Variants in PROCA1 observed in about 807,000 individuals in gnomAD.
PROCA1 encodes the protein protein interacting with cyclin A1, also known as protein PROCA1.
Under a neutral mutation model 23.2 loss-of-function variants are expected in PROCA1, and 22 were observed. The ratio of observed to expected loss-of-function variants is 0.95; its 90% confidence interval spans 0.68 to 1.35. PROCA1 has a LOEUF of 1.35. PROCA1 is among the 40% of genes most tolerant of loss of function. The pLI is 0.00. For missense variants in PROCA1, 469 were observed against 459.8 expected (o/e 1.02, Z -0.18); for synonymous variants, 182 against 179.2 (o/e 1.02, Z -0.12).
At chr17:28,706,222 C>T (rs1306486322) in intron 2 of PROCA1, 2 of 162,332 alleles carry the variant, frequency 1.2e-5, no homozygotes, top group African/African-American at 4.8e-5. Flanking sequence ...GAAACTTCAC[C>T]ACCACCTTGG....
intron 1 of PROCA1, chr17:28,707,034 A>G: frequency 3.0e-6 from 1 of 336,742 alleles, no homozygotes; most frequent in Non-Finnish European, 6.0e-6. Flanking sequence ...AGCACAGGAC[A>G]AGGGCCACCT....
Position 28,704,435 on chromosome 17 carries a change from C to T in PROCA1, c.312G>A (p.Arg104=), listed in dbSNP as rs780385812. The change falls in exon 4 of 5, where the codon AGG becomes AGA. Residue 104 remains arginine, a splice_region_variant and synonymous_variant. Coordinates refer to ENST00000682792, the MANE Select transcript of PROCA1 (RefSeq NM_001366301.1). The stretch of plus-strand genomic sequence containing the variant: ...TGCTATCCTCTGAAGAGTCCTTCAG[C>T]CTGCCACACATGGGACTCTCAGCCT... The part of the protein sequence containing the change: ...HSVNHCNCNS[R]LKDSSEDSSS... The T allele has an allele frequency of 1.2e-6, 2 of 1,610,684 alleles. No homozygotes were observed. Among genetic ancestry groups the T allele is most frequent in the Non-Finnish European group, 1.7e-6 (2 of 1,178,538 alleles).
intron 1 of PROCA1, chr17:28,711,366 A>G (rs2032772763): frequency 1.8e-6 from 1 of 567,964 alleles, no homozygotes; most frequent in Non-Finnish European, 2.9e-6. Flanking sequence ...CCAGTCCTCA[A>G]TCATTGGCCC....
At chr17:28,706,616 G>C (rs2032485267) in intron 2 of PROCA1, 64 bp downstream of exon 2, 1 of 1,163,504 alleles carries the variant, frequency 8.6e-7, no homozygotes, top group African/African-American at 1.6e-5. Flanking sequence ...GCTTCCACCA[G>C]GTGTCAGCTT....
chr17:28,711,562 C>A lies in PROCA1; in HGVS notation c.91+8G>T. 6.2e-7 allele frequency: 1 copy of A among 1,607,056 alleles called. No individual in the cohort carries two copies. On this transcript the variant is annotated splice_region_variant and intron_variant, in intron 1 of 4. Transcript: ENST00000682792. ...CCCTCTGCCCAGCCCCTGCCCCGCCCCTCTTACCGCGGCATCTGCTCTCAT... is the reference window on the plus strand; with the variant it reads ...CCCTCTGCCCAGCCCCTGCCCCGCCACTCTTACCGCGGCATCTGCTCTCAT...
At chr17:28,711,012 G>GGGAAGGAGTAGGGCGGGAAGGGAT in intron 1 of PROCA1, 1 of 1,218,604 alleles carries the variant, frequency 8.2e-7, no homozygotes, top group Non-Finnish European at 1.1e-6. Flanking sequence ...CGGGAAGGGA[G>GGGAAGGAGTAGGGCGGGAAGGGAT]GGAAGAAACT....
rs2032260912 is a variant in PROCA1, at chr17:28,703,794, T to C, written c.859A>G (p.Arg287Gly). 2 of 1,614,210 alleles carry C rather than the reference T, an allele frequency of 1.2e-6. No individual in the cohort carries two copies. The highest frequency in any genetic ancestry group is 1.7e-6 in the Non-Finnish European group (2 of 1,180,040). The change falls in exon 5 of 5, where the codon AGA becomes GGA. Residue 287 changes from arginine (R) to glycine (G), a missense_variant. Coordinates refer to ENST00000682792, the MANE Select transcript of PROCA1 (RefSeq NM_001366301.1). ...PPDVSRSLSA[R>G]QLARMSESSP... ...GACTCGGACATCCTGGCCAGCTGTC[T>C]TGCGCTTAATGATCGGCTCACGTCT...
At chr17:28,705,495 G>A (rs1448714281) in intron 2 of PROCA1, 1 of 152,342 alleles carries the variant, frequency 6.6e-6, no homozygotes, top group African/African-American at 2.4e-5. Flanking sequence ...CCAGTCCCTA[G>A]AGCCCCAGGC....
At chr17:28,708,103 G>A (rs774966851) in intron 1 of PROCA1, among the ~76,000 whole-genome samples, 12 of 152,178 alleles carry the variant, frequency 7.9e-5, no homozygotes, top group South Asian at 6.2e-4. Context: ...TCCGCCTCCC[G>A]GGTTCAAGCA....
In PROCA1 at chr17:28,704,743, G is replaced by A. The variant is rs748055909; in HGVS notation, c.276C>T (p.His92=). Residue 92 remains histidine (H), a synonymous_variant, in exon 3 of 5, where the codon CAC becomes CAT. Transcript: ENST00000682792. ...FASDCVRHSL[H]LHSVNHCNCN... ...AGTTGCAGTGGTTGACAGAGTGTAG[G>A]TGCAGGCTGTGGCGGACACAGTCAG... 21 of 1,614,032 alleles carry A rather than the reference G, an allele frequency of 1.3e-5. No homozygotes were observed. Among genetic ancestry groups the A allele is most frequent in the Non-Finnish European group, 1.7e-5 (20 of 1,180,002 alleles).
At chr17:28,704,596 G>A (rs1350566646) in intron 3 of PROCA1, 112 bp downstream of exon 3, 1 of 1,566,078 alleles carries the variant, frequency 6.4e-7, no homozygotes, top group Non-Finnish European at 8.6e-7. Flanking sequence ...CTGGGACTGG[G>A]CTGGCAGCAC....
intron 1 of PROCA1, among the ~76,000 whole-genome samples, chr17:28,709,802 G>T (rs891213674): frequency 6.6e-6 from 1 of 151,452 alleles, no homozygotes; most frequent in Non-Finnish European, 1.5e-5. Context: ...TTTGAGACCA[G>T]CATGGTCAAC....
chr17:28,711,535 C>T lies in PROCA1; in HGVS notation c.91+35G>A, dbSNP rs375178892. 7.1e-6 allele frequency: 11 copies of T among 1,547,426 alleles called. No homozygotes were observed. In the African/African-American group the frequency reaches 1.5e-4, roughly 21 times the overall value. On this transcript the variant is annotated intron_variant, in intron 1 of 4. Coordinates refer to ENST00000682792, the MANE Select transcript of PROCA1 (RefSeq NM_001366301.1). ...CGCTCGGGGTCTGCGAGCCGGGCCG[C>T]GCCCTCTGCCCAGCCCCTGCCCCGC...
rs1201430383 is a variant in PROCA1, at chr17:28,703,366, CCCCT to C, written c.*188_*191del. On this transcript the variant is annotated 3_prime_UTR_variant, in exon 5 of 5. Coordinates refer to ENST00000682792, the MANE Select transcript of PROCA1 (RefSeq NM_001366301.1). ...GCAGGTAGGAAGAAATAGGGCTGTGCCCCTTCCTTTCCCTCCCACCTGCCTTCCC... is the reference window on the plus strand; with the variant it reads ...GCAGGTAGGAAGAAATAGGGCTGTGCTCCTTTCCCTCCCACCTGCCTTCCC... The C allele has an allele frequency of 9.7e-6, 6 of 619,470 alleles. No homozygotes were observed. The highest frequency in any genetic ancestry group is 4.0e-5 in the South Asian group (2 of 50,264). The allele number at this position is 619,470 out of a possible 1,614,324, so 38.4% of individuals were successfully genotyped here.
intron 1 of PROCA1, among the ~76,000 whole-genome samples, chr17:28,708,890 G>C (rs575203589): frequency 7.2e-5 from 11 of 152,194 alleles, no homozygotes; most frequent in Admixed American, 2.0e-4. Context: ...AGCTACTCAG[G>C]AGGCTGAGGT....
intron 1 of PROCA1, chr17:28,710,837 T>G (rs1431362726): frequency 7.7e-7 from 1 of 1,304,110 alleles, no homozygotes; most frequent in African/African-American, 1.5e-5. Context: ...CGTGAGGCGT[T>G]AATCGGCGCA....
chr17:28,710,260 A>G (rs1313861099), intron 1 of PROCA1, among the ~76,000 whole-genome samples: 2 of 152,010 alleles, frequency 1.3e-5, no homozygotes, highest in Admixed American at 1.3e-4. Context: ...GTACTTTGGG[A>G]GGCCGAGGTG....
At chr17:28,710,899 C>T in intron 1 of PROCA1, 2 of 1,303,746 alleles carry the variant, frequency 1.5e-6, no homozygotes, top group Non-Finnish European at 2.0e-6. Flanking sequence ...CAGAATCCTC[C>T]CCGTCCTGCG....
At position 28,704,036 on chromosome 17, in the gene PROCA1, G is replaced by A. The variant is rs1567712184; in HGVS notation, c.617C>T (p.Thr206Ile). Residue 206 changes from threonine (T) to isoleucine (I), a missense_variant, in exon 5 of 5, where the codon ACT (threonine) becomes ATT (isoleucine). Transcript: ENST00000682792. ...ASPDLGTSMA[T>I]GTPDSTAPIT... ...GGGCGCTGTGGAGTCAGGGGTACCA[G>A]TGGCCATGCTGGTGCCTAGGTCAGG... 6.2e-7 allele frequency: 1 copy of A among 1,611,010 alleles called. No individual in the cohort carries two copies. The highest frequency in any genetic ancestry group is 8.5e-7 in the Non-Finnish European group (1 of 1,179,062).
Sources: allele counts gnomAD v4.1 joint callset (sites outside exome capture counted in the v4.1 genomes callset), GRCh38; gene constraint gnomAD v4.1.1; transcripts MANE v1.5; gene names NCBI Gene and HGNC (gene_info 2026-07-23, HGNC 2026-07-21).